The following CCDC14 variants were observed in gnomAD, a reference collection of about 807,000 sequenced individuals.
CCDC14 encodes coiled-coil domain-containing protein 14.
Under a neutral mutation model 81.4 loss-of-function variants are expected in CCDC14, and 71 were observed. The ratio of observed to expected loss-of-function variants is 0.87; its 90% CI spans 0.72 to 1.06. The LOEUF (loss-of-function observed/expected upper bound fraction) is 1.06. Ranked by LOEUF, CCDC14 falls within the 50% of genes least tolerant of loss-of-function variation. The pLI is 0.00. For synonymous variants in CCDC14, 332 were observed against 364.8 expected, an observed-to-expected ratio of 0.91 and a Z score of 1.03; for missense variants, 1,046 against 1,047.3, an observed-to-expected ratio of 1.00 and a Z score of 0.02.
At chr3:123,949,348 T>C (rs1396581842) in intron 5 of CCDC14, 2 of 517,238 alleles carry the variant, frequency 3.9e-6, no homozygotes, top group Admixed American at 6.7e-5. Context: ...TCATCTATAC[T>C]AATTCTTTAC....
chr3:123,956,658 T>C, intron 2 of CCDC14, 82 bp downstream of exon 2: 1 of 1,118,336 alleles, frequency 8.9e-7, no homozygotes, highest in Non-Finnish European at 1.3e-6. Context: ...CCTAATTTTC[T>C]GGGGTAGACG....
chr3:123,905,265 C>T (rs896512314), intron 5 of CCDC14, among the ~76,000 whole-genome samples: 1 of 152,088 alleles, frequency 6.6e-6, no homozygotes, highest in Non-Finnish European at 1.5e-5. Context: ...GAAATGTCAG[C>T]CTAAAATAGA....
chr3:123,947,129 C>A lies in CCDC14; in HGVS notation c.875G>T (p.Gly292Val). The A allele has an allele frequency of 6.2e-7, 1 of 1,613,868 alleles. No individual in the cohort carries two copies. The highest frequency in any genetic ancestry group is 2.2e-5 in the East Asian group (1 of 44,884). The change falls in exon 8 of 13, where the codon GGA becomes GTA. Residue 292 changes from glycine to valine, a missense_variant. Transcript: ENST00000409697. ...GLVNGILPQQ[G>V]IHKETDLLKC... The stretch of plus-strand genomic sequence containing the variant: ...TAGTAGGTCTGTTTCCTTATGAATT[C>A]CTTGTTGTGGCAGAATTCCATTAAC...
In CCDC14 at chr3:123,913,512, T is replaced by C; in HGVS notation, c.*1267A>G. 1.0e-6 allele frequency: 1 copy of C among 980,584 alleles called. No homozygotes were observed. Among genetic ancestry groups the C allele is most frequent in the Non-Finnish European group, 1.2e-6 (1 of 825,642 alleles). The allele number at this position is 980,584 out of a possible 1,614,324, so 60.7% of individuals were successfully genotyped here. On this transcript the variant is annotated 3_prime_UTR_variant, in exon 13 of 13. Coordinates refer to ENST00000409697, the MANE Select transcript of CCDC14 (RefSeq NM_001366335.1). The stretch of plus-strand genomic sequence containing the variant: ...TCCAAATAAGATGCCAATAAATTAA[T>C]TCATGAATACTAAATAAAATTAAAG...
chr3:123,925,882 T>C (rs530971380), intron 12 of CCDC14, among the ~76,000 whole-genome samples: 3 of 152,348 alleles, frequency 2.0e-5, no homozygotes, highest in East Asian at 1.9e-4. Context: ...AAAACATCAC[T>C]GTACCCCATA....
chr3:123,889,662 C>T, the CCDC14 span, among the ~76,000 whole-genome samples: 1 of 152,302 alleles, frequency 6.6e-6, no homozygotes, highest in South Asian at 2.1e-4. Flanking sequence ...GCAGCTTTTC[C>T]AGGTGCATGG....
At chr3:123,917,782 T>C (rs1250903227) in intron 12 of CCDC14, among the ~76,000 whole-genome samples, 1 of 151,992 alleles carries the variant, frequency 6.6e-6, no homozygotes, top group Non-Finnish European at 1.5e-5. Flanking sequence ...AAACTGCCAA[T>C]ACATTTCAAA....
chr3:123,887,468 T>TAAC, the CCDC14 span, among the ~76,000 whole-genome samples: 124 of 69,440 alleles, frequency 1.8e-3, 2 homozygotes, highest in South Asian at 0.02. Context: ...TGGGTTGCTA[T>TAAC]AACAACAACA....
chr3:123,939,966 T>C (rs1039465408), intron 9 of CCDC14, among the ~76,000 whole-genome samples: 6 of 152,026 alleles, frequency 3.9e-5, no homozygotes, highest in African/African-American at 1.4e-4. Flanking sequence ...AATTTATTTA[T>C]TGCCACTGAA....
At chr3:123,945,024 A>C (rs756998108) in intron 8 of CCDC14, 34 bp from the exon 9 acceptor site, 79 of 1,486,956 alleles carry the variant, frequency 5.3e-5, no homozygotes, top group Non-Finnish European at 7.1e-5. Flanking sequence ...TAAAATCAAT[A>C]TTATATTTTT....
intron 5 of CCDC14, among the ~76,000 whole-genome samples, chr3:123,907,904 T>G (rs1024387280): frequency 6.6e-6 from 1 of 151,770 alleles, no homozygotes; most frequent in South Asian, 2.1e-4. Flanking sequence ...GCTCTCTCCT[T>G]GTTTCCCCTG....
chr3:123,907,669 C>T (rs564318523), intron 5 of CCDC14, among the ~76,000 whole-genome samples: 1 of 151,976 alleles, frequency 6.6e-6, no homozygotes, highest in South Asian at 2.1e-4. Flanking sequence ...CATGTCACTG[C>T]ACTCCAGCCT....
downstream of CCDC14, among the ~76,000 whole-genome samples, chr3:123,892,687 A>G (rs1210308393): frequency 6.8e-6 from 1 of 146,608 alleles, no homozygotes; most frequent in African/African-American, 2.5e-5. Context: ...CCCTCCTCCA[A>G]TTCGACATGA....
intron 12 of CCDC14, among the ~76,000 whole-genome samples, chr3:123,926,330 A>G (rs1265453044): frequency 6.6e-6 from 1 of 151,960 alleles, no homozygotes; most frequent in African/African-American, 2.4e-5. Context: ...AAACTGTGAC[A>G]AGCGGATATA....
downstream of CCDC14, among the ~76,000 whole-genome samples, chr3:123,894,508 A>G (rs928357685): frequency 3.9e-5 from 6 of 152,190 alleles, no homozygotes; most frequent in Non-Finnish European, 4.4e-5. Flanking sequence ...TGGGATTTTA[A>G]TAGGGATTGC....
At chr3:123,908,350 CT>C (rs2034367431) in intron 5 of CCDC14, among the ~76,000 whole-genome samples, 1 of 152,168 alleles carries the variant, frequency 6.6e-6, no homozygotes, top group Non-Finnish European at 1.5e-5. Flanking sequence ...CAAAGGCACA[CT>C]GTCTTATTTG....
At position 123,946,876 on chromosome 3, in the gene CCDC14, C is replaced by T. The variant is rs750069288; in HGVS notation, c.1128G>A (p.Val376=). 1 of 1,613,910 alleles carries T rather than the reference C, an allele frequency of 6.2e-7. No individual in the cohort carries two copies. The highest frequency in any genetic ancestry group is 1.1e-5 in the South Asian group (1 of 91,078). ...TVKDVQKAKN[V]NKTAEKVRII... is the part of the protein sequence containing the mutation. ...TTCTAACTTTTTCAGCTGTCTTGTT[C>T]ACATTTTTTGCCTTCTGTACATCCT... The change falls in exon 8 of 13, where the codon GTG becomes GTA. Residue 376 remains valine (V), a synonymous_variant. Coordinates refer to ENST00000409697, the MANE Select transcript of CCDC14 (RefSeq NM_001366335.1).
intron 12 of CCDC14, among the ~76,000 whole-genome samples, chr3:123,921,447 A>G (rs753412356): frequency 2.0e-5 from 3 of 152,244 alleles, no homozygotes; most frequent in Non-Finnish European, 4.4e-5. Flanking sequence ...AGGTCACTAT[A>G]TAATGATAAA....
In CCDC14 at chr3:123,947,021, G is replaced by A; in HGVS notation, c.983C>T (p.Thr328Ile). 3.1e-6 allele frequency: 5 copies of A among 1,613,962 alleles called. No homozygotes were observed. The highest frequency in any genetic ancestry group is 4.2e-6 in the Non-Finnish European group (5 of 1,179,858). Residue 328 changes from threonine to isoleucine, a missense_variant, in exon 8 of 13, where the codon ACT (threonine) becomes ATT (isoleucine). Coordinates refer to ENST00000409697, the MANE Select transcript of CCDC14 (RefSeq NM_001366335.1). ...GGCCAAGAAAGCTGGTTGTGACTGA[G>A]TAGGGCTTCGGTGTGTCTGACTGTC... ...HLDSQTHRSP[T>I]QSQPAFLATN...
Sources: gnomAD v4.1 joint callset for allele counts (sites outside exome capture counted in the v4.1 genomes callset) on GRCh38, gnomAD v4.1.1 for gene constraint, MANE v1.5 for transcripts, NCBI Gene and HGNC (gene_info 2026-07-23, HGNC 2026-07-21) for gene names.